The following RALGAPA1 variants were observed in gnomAD, a reference collection of about 807,000 sequenced individuals.
RALGAPA1 encodes ral GTPase-activating protein subunit alpha-1.
A neutral mutation model predicts 269.6 loss-of-function variants in RALGAPA1; 52 were observed. The observed-to-expected ratio is 0.19, with a 90% CI of 0.15 to 0.24. The LOEUF (loss-of-function observed/expected upper bound fraction) is 0.24. RALGAPA1 is among the 10% of genes least tolerant of loss of function. The pLI is 1.00. For synonymous variants in RALGAPA1, 817 were observed against 1,008.3 expected (o/e 0.81, Z 3.60); for missense variants, 1,917 against 3,013.9 (o/e 0.64, Z 8.52).
intron 31 of RALGAPA1, among the ~76,000 whole-genome samples, chr14:35,636,793 T>C (rs2061690519): frequency 6.6e-6 from 1 of 152,204 alleles, no homozygotes; most frequent in Non-Finnish European, 1.5e-5. Flanking sequence ...AGTGCTCAGA[T>C]TACAGGCATG....
chr14:35,792,502 G>T (rs547204487), intron 1 of RALGAPA1, among the ~76,000 whole-genome samples: 1 of 152,038 alleles, frequency 6.6e-6, no homozygotes, highest in Non-Finnish European at 1.5e-5. Flanking sequence ...ACAGGACCTG[G>T]CTGGGCATGG....
intron 37 of RALGAPA1, among the ~76,000 whole-genome samples, chr14:35,589,359 G>C (rs2058497960): frequency 6.6e-6 from 1 of 152,104 alleles, no homozygotes; most frequent in Non-Finnish European, 1.5e-5. Context: ...CTATAGTTAA[G>C]AACAACATGC....
intron 18 of RALGAPA1, among the ~76,000 whole-genome samples, chr14:35,687,645 A>G (rs1283662346): frequency 6.6e-6 from 1 of 152,204 alleles, no homozygotes; most frequent in East Asian, 1.9e-4. Flanking sequence ...ATATATGTAA[A>G]GTTATTTTAA....
chr14:35,660,261 C>T (rs1443827640), intron 27 of RALGAPA1, among the ~76,000 whole-genome samples: 1 of 151,986 alleles, frequency 6.6e-6, no homozygotes, highest in Non-Finnish European at 1.5e-5. Flanking sequence ...ATATAAAAAA[C>T]CCTACAGACT....
chr14:35,797,692 A>G (rs962710485), intron 1 of RALGAPA1, among the ~76,000 whole-genome samples: 1 of 151,804 alleles, frequency 6.6e-6, no homozygotes, highest in African/African-American at 2.4e-5. Context: ...CTTAAAATAC[A>G]AAATTAGCCG....
intron 21 of RALGAPA1, among the ~76,000 whole-genome samples, chr14:35,682,054 TC>T (rs373692244): frequency 1.4e-3 from 218 of 152,344 alleles, no homozygotes; most frequent in African/African-American, 5.0e-3. Flanking sequence ...ATTTATCCAC[TC>T]ACCAATTGAT....
intron 36 of RALGAPA1, among the ~76,000 whole-genome samples, chr14:35,603,611 G>T (rs1323951991): frequency 1.3e-5 from 2 of 152,058 alleles, no homozygotes; most frequent in African/African-American, 4.8e-5. Flanking sequence ...TCCATCAACA[G>T]ATGAATGAAT....
chr14:35,622,501 C>T (rs1341015469), intron 35 of RALGAPA1, among the ~76,000 whole-genome samples: 1 of 152,108 alleles, frequency 6.6e-6, no homozygotes, highest in African/African-American at 2.4e-5. Flanking sequence ...TACCCTAAAA[C>T]TTAAAGTATA....
At chr14:35,640,352 C>T (rs1176231474) in intron 31 of RALGAPA1, among the ~76,000 whole-genome samples, 4 of 151,462 alleles carry the variant, frequency 2.6e-5, no homozygotes, top group Non-Finnish European at 4.4e-5. Flanking sequence ...AACCTTTGGC[C>T]ACTAAGAAAA....
In RALGAPA1 at chr14:35,648,978, T is replaced by C. The variant is rs543268382; in HGVS notation, c.5676+2827A>G. Among the ~76,000 whole-genome samples, 9 of 152,378 alleles carry C rather than the reference T, an allele frequency of 5.9e-5. No individual in the cohort carries two copies. In the South Asian group the frequency reaches 1.7e-3, roughly 28 times the overall value. ...CCTTAACTGTTATTCTTTAATGTGC[T>C]ATACTTTGCTAACTCATCTTACTCT... On this transcript the variant is annotated intron_variant, in intron 31 of 41. Coordinates refer to ENST00000680220, the MANE Select transcript of RALGAPA1 (RefSeq NM_001346249.2).
chr14:35,629,408 G>A (rs1488771002), intron 33 of RALGAPA1, among the ~76,000 whole-genome samples: 2 of 152,016 alleles, frequency 1.3e-5, no homozygotes, highest in Non-Finnish European at 2.9e-5. Flanking sequence ...ATCTTGTCTT[G>A]AGTATTTATA....
intron 1 of RALGAPA1, among the ~76,000 whole-genome samples, chr14:35,776,537 C>A (rs979192187): frequency 1.3e-5 from 2 of 152,008 alleles, no homozygotes; most frequent in African/African-American, 4.8e-5. Context: ...AAGAGCAGGG[C>A]ATGCAAAATT....
chr14:35,613,413 G>A (rs1029503781), intron 35 of RALGAPA1, among the ~76,000 whole-genome samples: 6 of 152,128 alleles, frequency 3.9e-5, no homozygotes, highest in Non-Finnish European at 5.9e-5. Flanking sequence ...AGGCAAAGAC[G>A]TTTATATTAT....
intron 36 of RALGAPA1, among the ~76,000 whole-genome samples, chr14:35,599,322 C>A (rs1274333999): frequency 6.6e-6 from 1 of 152,184 alleles, no homozygotes; most frequent in Non-Finnish European, 1.5e-5. Flanking sequence ...CATTTCCTTT[C>A]TATTAATAAA....
chr14:35,685,999 A>G (rs2065891835), intron 19 of RALGAPA1, among the ~76,000 whole-genome samples: 1 of 152,200 alleles, frequency 6.6e-6, no homozygotes, highest in Non-Finnish European at 1.5e-5. Flanking sequence ...TTCAAGATAA[A>G]GATAACTTTT....
At chr14:35,575,683 C>T (rs1367113406) in intron 37 of RALGAPA1, among the ~76,000 whole-genome samples, 1 of 152,192 alleles carries the variant, frequency 6.6e-6, no homozygotes, top group Non-Finnish European at 1.5e-5. Flanking sequence ...CAACCTCCGC[C>T]TCCCAGGTTC....
At chr14:35,633,956 A>T (rs965932543) in intron 33 of RALGAPA1, among the ~76,000 whole-genome samples, 5 of 152,138 alleles carry the variant, frequency 3.3e-5, no homozygotes, top group Non-Finnish European at 4.4e-5. Flanking sequence ...GGCTTTACAT[A>T]TATTATCTTA....
intron 4 of RALGAPA1, chr14:35,765,943 G>A (rs1470422643): frequency 7.4e-7 from 1 of 1,357,210 alleles, no homozygotes. Context: ...GGCGTATTTG[G>A]ACCAGTTAAA....
At chr14:35,718,739 C>G (rs1320101472) in intron 16 of RALGAPA1, among the ~76,000 whole-genome samples, 1 of 151,978 alleles carries the variant, frequency 6.6e-6, no homozygotes, top group East Asian at 1.9e-4. Flanking sequence ...TTGCCTGAAC[C>G]TAGAAGTGGA....
Sources: allele counts gnomAD v4.1 joint callset (sites outside exome capture counted in the v4.1 genomes callset), GRCh38; gene constraint gnomAD v4.1.1; transcripts MANE v1.5; gene names NCBI Gene and HGNC (gene_info 2026-07-23, HGNC 2026-07-21).